The following MPP2 variants were observed in gnomAD, a reference collection of about 807,000 sequenced individuals.
The protein encoded by MPP2 is MAGUK p55 scaffold protein 2, also known as MAGUK p55 subfamily member 2.
A neutral mutation model predicts 58.5 loss-of-function variants in MPP2; 42 were observed. The observed-to-expected ratio is 0.72, with a 90% confidence interval of 0.56 to 0.93. MPP2 has a LOEUF of 0.93. Ranked by LOEUF, MPP2 falls within the 40% of genes least tolerant of loss-of-function variation. MPP2 has a pLI of 0.00. For synonymous variants in MPP2, 300 were observed against 307.8 expected (o/e 0.97, Z 0.26); for missense variants, 632 against 760.4 (o/e 0.83, Z 1.99).
upstream of MPP2, among the ~76,000 whole-genome samples, chr17:43,908,515 G>C (rs1189885088): frequency 6.6e-6 from 1 of 152,178 alleles, no homozygotes; most frequent in Non-Finnish European, 1.5e-5. Flanking sequence ...CGGGAGCATC[G>C]GTTGAGCCTA....
chr17:43,900,765 T>G (rs921763996), intron 2 of MPP2: 1 of 428,954 alleles, frequency 2.3e-6, no homozygotes, highest in Non-Finnish European at 3.1e-6. Context: ...GTAACCCGGG[T>G]GGGAGAAGAG....
chr17:43,895,380 G>A (rs1313652547), intron 3 of MPP2, among the ~76,000 whole-genome samples: 2 of 152,148 alleles, frequency 1.3e-5, no homozygotes, highest in Admixed American at 6.5e-5. Context: ...CCAAAGTGCT[G>A]GGACTAAAGC....
At chr17:43,898,080 G>A in intron 3 of MPP2, 182 bp downstream of exon 3, 2 of 604,434 alleles carry the variant, frequency 3.3e-6, no homozygotes, top group African/African-American at 1.8e-5. Context: ...TGTGGGGGCA[G>A]CCCCCTCTAC....
chr17:43,875,766 T>G lies in MPP2; in HGVS notation c.*2041A>C, dbSNP rs1296355978. 1 of 151,722 alleles carries G rather than the reference T, an allele frequency of 6.6e-6. No individual in the cohort carries two copies. Among genetic ancestry groups the G allele is most frequent in the Non-Finnish European group, 1.5e-5 (1 of 67,904 alleles). 9.4% of individuals were successfully genotyped at this position (151,722 alleles called of 1,614,324 possible). A position where few individuals can be genotyped will look rare whatever the true frequency, so the allele number is the denominator to read the frequency against. ...CCTGCCCCTTGAGCATCCCTAGCAG[T>G]GAAGGTGCCATGAAGGCCAGGTACC... On this transcript the variant is annotated 3_prime_UTR_variant, in exon 13 of 13. Transcript: ENST00000269095.
At chr17:43,897,333 T>G (rs191125249) in intron 3 of MPP2, among the ~76,000 whole-genome samples, 5 of 151,998 alleles carry the variant, frequency 3.3e-5, no homozygotes, top group Admixed American at 3.3e-4. Context: ...ACTACAAAAT[T>G]AGCTGGGCGT....
chr17:43,880,957 G>C lies in MPP2; in HGVS notation c.989-105C>G. 6.6e-7 allele frequency: 1 copy of C among 1,526,024 alleles called. No homozygotes were observed. The allele number at this position is 1,526,024 out of a possible 1,614,324, so 94.5% of individuals were successfully genotyped here. Reference sequence around the variant, plus strand: ...AGGGCTTGGAACAGGGGAGCAGGGGGGAGTCGGGCAGGGCCTAGGGACACG... The same window carrying C: ...AGGGCTTGGAACAGGGGAGCAGGGGCGAGTCGGGCAGGGCCTAGGGACACG... On this transcript the variant is annotated intron_variant, in intron 9 of 12. Coordinates refer to ENST00000269095, the MANE Select transcript of MPP2 (RefSeq NM_005374.5). This position sits in a 1 kb window ranked among gnomAD's most constrained non-coding sequence, Gnocchi z 5.2.
intron 2 of MPP2, 126 bp from the exon 3 acceptor site, chr17:43,898,506 T>TTCCCCTCCCCAGCAACA: frequency 4.9e-6 from 3 of 613,234 alleles, no homozygotes; most frequent in Non-Finnish European, 8.8e-6. Flanking sequence ...CCCGGCAACA[T>TTCCCCTCCCCAGCAACA]TCCCCTCCCT....
At position 43,877,907 on chromosome 17, in the gene MPP2, AG is replaced by A; in HGVS notation, c.1558del (p.Leu520TrpfsTer56). The A allele has an allele frequency of 6.2e-7, 1 of 1,614,064 alleles. No individual in the cohort carries two copies. The highest frequency in any genetic ancestry group is 1.1e-5 in the South Asian group (1 of 91,076). On this transcript the variant is annotated frameshift_variant, in exon 13 of 13. Transcript: ENST00000269095. LOFTEE classifies it high-confidence loss of function. ...GGTCCTCTCCAGGTTGCTATTGACC[AG>A]GCAGAGGTCAAAGTAGTGCCCGTAG... The part of the protein sequence containing the change: ...RGYGHYFDLC[L>X]VNSNLERTFR...
Position 43,883,346 on chromosome 17 carries a change from T to A in MPP2, c.160A>T (p.Arg54Trp), listed in dbSNP as rs970425631. Residue 54 changes from arginine (R) to tryptophan (W), a missense_variant, in exon 4 of 13, where the codon AGG becomes TGG. Coordinates refer to ENST00000269095, the MANE Select transcript of MPP2 (RefSeq NM_005374.5). Reference sequence around the variant, plus strand: ...GCCTCCAGCTTCGTCTCCTCCAGCCTCTCATGGGCCTGGGGGTGGAAGCAG... The same window carrying A: ...GCCTCCAGCTTCGTCTCCTCCAGCCACTCATGGGCCTGGGGGTGGAAGCAG... ...IVRSLAKAHERLEETKLEAVR... is the reference protein window; with the variant it reads ...IVRSLAKAHEWLEETKLEAVR... The A allele has an allele frequency of 1.9e-6, 3 of 1,611,196 alleles. No homozygotes were observed. Among genetic ancestry groups the A allele is most frequent in the Non-Finnish European group, 8.5e-7 (1 of 1,179,812 alleles).
At chr17:43,890,588 A>T (rs2047563849) in intron 3 of MPP2, among the ~76,000 whole-genome samples, 1 of 152,252 alleles carries the variant, frequency 6.6e-6, no homozygotes, top group South Asian at 2.1e-4. Flanking sequence ...GTTCATAATT[A>T]AATAGTTAAA....
rs1049596010 is a variant in MPP2, at chr17:43,907,482, C to CTAGGTAGG, written c.-43_-42insCCTACCTA. ...GGCCGGGGGACGCCTACCTGCGCCC[C>CTAGGTAGG]GGGAAGCCCCTAGCTCCGGGCGGCT... On this transcript the variant is annotated 5_prime_UTR_variant, in exon 1 of 13. Coordinates refer to ENST00000269095, the MANE Select transcript of MPP2 (RefSeq NM_005374.5). 1.0e-6 allele frequency: 1 copy of CTAGGTAGG among 985,422 alleles called. No homozygotes were observed. The highest frequency in any genetic ancestry group is 1.7e-5 in the African/African-American group (1 of 57,260). The allele number at this position is 985,422 out of a possible 1,614,324, so 61.0% of individuals were successfully genotyped here.
chr17:43,900,022 C>G (rs532150724), intron 2 of MPP2, among the ~76,000 whole-genome samples: 1 of 152,272 alleles, frequency 6.6e-6, no homozygotes, highest in East Asian at 1.9e-4. Flanking sequence ...CTTGTCAGTG[C>G]CCCCCTCCTC....
intron 3 of MPP2, among the ~76,000 whole-genome samples, chr17:43,886,108 CAA>C (rs1275219761): frequency 7.1e-6 from 1 of 140,456 alleles, no homozygotes. Flanking sequence ...ACTCTGTTTC[CAA>C]AAAAAAAAAT....
chr17:43,903,087 G>A (rs1396569624), intron 2 of MPP2, among the ~76,000 whole-genome samples: 1 of 152,124 alleles, frequency 6.6e-6, no homozygotes, highest in Non-Finnish European at 1.5e-5. Flanking sequence ...GGACAGCCTG[G>A]CCAACATGGT....
chr17:43,887,943 T>C (rs2047441108), intron 3 of MPP2, among the ~76,000 whole-genome samples: 1 of 151,982 alleles, frequency 6.6e-6, no homozygotes, highest in African/African-American at 2.4e-5. Context: ...TCCAAAACAA[T>C]GGAGGAGAGA....
At chr17:43,903,324 C>T (rs1299516532) in intron 2 of MPP2, among the ~76,000 whole-genome samples, 1 of 152,008 alleles carries the variant, frequency 6.6e-6, no homozygotes, top group African/African-American at 2.4e-5. Context: ...CTGATCTTGT[C>T]CCATCATCTC....
chr17:43,904,291 A>G (rs2048207460), intron 2 of MPP2, 139 bp downstream of exon 2: 1 of 732,036 alleles, frequency 1.4e-6, no homozygotes, highest in Non-Finnish European at 2.4e-6. Flanking sequence ...AGCTGCCAGA[A>G]GGAATGGCTG....
rs2143583004 is a variant in MPP2 at position 43,883,358 on chromosome 17, G to T, written c.151-3C>A. ...GTCTCCTCCAGCCTCTCATGGGCCTGGGGGTGGAAGCAGAACAGGTGGGGC... is the reference window on the plus strand; with the variant it reads ...GTCTCCTCCAGCCTCTCATGGGCCTTGGGGTGGAAGCAGAACAGGTGGGGC... On this transcript the variant is annotated splice_polypyrimidine_tract_variant and splice_region_variant and intron_variant, in intron 3 of 12. Transcript: ENST00000269095. The T allele has an allele frequency of 1.9e-6, 3 of 1,609,876 alleles. No individual in the cohort carries two copies. The highest frequency in any genetic ancestry group is 2.5e-6 in the Non-Finnish European group (3 of 1,179,696).
intron 2 of MPP2, among the ~76,000 whole-genome samples, chr17:43,900,810 G>A (rs1191303900): frequency 6.6e-6 from 1 of 152,144 alleles, no homozygotes; most frequent in Non-Finnish European, 1.5e-5. Context: ...CAGATTGCCC[G>A]ATCCCCAGCA....
Sources: allele counts gnomAD v4.1 joint callset (sites outside exome capture counted in the v4.1 genomes callset), GRCh38; gene constraint gnomAD v4.1.1; non-coding constraint Gnocchi (gnomAD v3.1); transcripts MANE v1.5; gene names NCBI Gene and HGNC (gene_info 2026-07-23, HGNC 2026-07-21).